CKMT1B: variants seen among roughly 807,000 people sequenced by gnomAD.
CKMT1B encodes creatine kinase U-type, mitochondrial.
In CKMT1B, 13 loss-of-function variants were observed where a neutral mutation model predicts 21.8. The ratio of observed to expected loss-of-function variants is 0.60; its 90% CI spans 0.39 to 0.95. The LOEUF (loss-of-function observed/expected upper bound fraction) is 0.95. Ranked by LOEUF, CKMT1B falls within the 40% of genes least tolerant of loss-of-function variation. CKMT1B has a pLI of 0.00. For synonymous variants in CKMT1B, 50 were observed against 80.3 expected (o/e 0.62, Z 2.02); for missense variants, 157 against 227.5 (o/e 0.69, Z 1.99).
chr15:43,598,039 C>T (rs1038454943), intron 6 of CKMT1B, 154 bp from the exon 7 acceptor site: 4 of 1,451,354 alleles, frequency 2.8e-6, no homozygotes, highest in Middle Eastern at 1.9e-4. Context: ...CAATAACAAA[C>T]CTTTTTCATT....
At position 43,598,833 on chromosome 15, in the gene CKMT1B, C is replaced by T. The variant is rs143381903; in HGVS notation, c.1018C>T (p.Arg340Cys). 47 of 1,606,802 alleles carry T rather than the reference C, an allele frequency of 2.9e-5. 1 individual carries two copies. The African/African-American group carries it at 3.0e-4, about 10-fold the overall frequency. Residue 340 changes from arginine (R) to cysteine (C), a missense_variant, in exon 8 of 9, where the codon CGC (arginine) becomes TGC (cysteine). By Grantham distance (180) the Arg-to-Cys change is radical. Transcript: ENST00000441322. ...ATCCCTATCTCCTCTCTAGGATAGC[C>T]GCTTCCCAAAGATCCTGGAGAACCT... ...IKLPLLSKDS[R>C]FPKILENLRL...
chr15:43,596,590 G>A, intron 6 of CKMT1B, 59 bp downstream of exon 6: 2 of 1,605,394 alleles, frequency 1.2e-6, no homozygotes, highest in Non-Finnish European at 8.5e-7. Flanking sequence ...CCAAAGAGTA[G>A]CATAAATAGA....
Position 43,598,194 on chromosome 15 carries a change from TG to T in CKMT1B, c.880del (p.Glu294ArgfsTer21). ...FERFCRGLKE[V>X]ERLIQERGWE... Reference sequence around the variant, plus strand: ...TTAACAAAACCTTTGTGGACTCAGGTGGAGAGACTTATCCAAGAACGTGGCT... The same window carrying T: ...TTAACAAAACCTTTGTGGACTCAGGTGAGAGACTTATCCAAGAACGTGGCT... On this transcript the variant is annotated frameshift_variant and splice_region_variant, in exon 7 of 9. Coordinates refer to ENST00000441322, the MANE Select transcript of CKMT1B (RefSeq NM_001375484.1). LOFTEE classifies it high-confidence loss of function. 1 of 1,608,708 alleles carries T rather than the reference TG, an allele frequency of 6.2e-7. No individual in the cohort carries two copies.
At chr15:43,598,096 G>T in intron 6 of CKMT1B, 97 bp from the exon 7 acceptor site, 1 of 1,549,734 alleles carries the variant, frequency 6.5e-7, no homozygotes, top group Non-Finnish European at 8.7e-7. Context: ...TTCTGTTCTA[G>T]ACATATTTCT....
chr15:43,598,903 C>T lies in CKMT1B; in HGVS notation c.1088C>T (p.Thr363Ile), dbSNP rs765944208. ...ACTGGAGGAGTGGACACTGCTGCTA[C>T]AGGCGGTGTCTTTGATATTTCTAAT... ...RGTGGVDTAA[T>I]GGVFDISNLD... is the part of the protein sequence containing the mutation. Residue 363 changes from threonine to isoleucine, a missense_variant, in exon 8 of 9, where the codon ACA (threonine) becomes ATA (isoleucine). By Grantham distance (89) the Thr-to-Ile change is moderately conservative. Transcript: ENST00000441322. 1.2e-5 allele frequency: 19 copies of T among 1,609,652 alleles called. No individual in the cohort carries two copies. The highest frequency in any genetic ancestry group is 1.6e-4 in the Middle Eastern group (1 of 6,078).
chr15:43,597,041 A>G (rs1194177500), intron 6 of CKMT1B, among the ~76,000 whole-genome samples: 1 of 148,466 alleles, frequency 6.7e-6, no homozygotes, highest in African/African-American at 2.6e-5. Context: ...GGGAAGGTGG[A>G]GGATAGAATG....
intron 6 of CKMT1B, chr15:43,597,571 C>T (rs2085591340): frequency 9.7e-7 from 1 of 1,032,626 alleles, no homozygotes; most frequent in African/African-American, 1.9e-5. Context: ...GGGTTGTGGT[C>T]TTTGTGACCA....
intron 6 of CKMT1B, chr15:43,597,290 A>G: frequency 1.9e-6 from 1 of 516,508 alleles, no homozygotes; most frequent in South Asian, 2.2e-5. Flanking sequence ...TATTCTGACT[A>G]TGAGTGGGTA....
chr15:43,597,665 C>T, intron 6 of CKMT1B: 1 of 939,802 alleles, frequency 1.1e-6, no homozygotes, highest in Non-Finnish European at 1.3e-6. Flanking sequence ...CGCCTTCCCC[C>T]CGCCCCCTAT....
rs2085611169 is a variant in CKMT1B at position 43,598,293 on chromosome 15, C to T, written c.977C>T (p.Ala326Val). The T allele has an allele frequency of 6.2e-7, 1 of 1,606,766 alleles. No homozygotes were observed. Among genetic ancestry groups the T allele is most frequent in the Non-Finnish European group, 8.5e-7 (1 of 1,178,756 alleles). ...CPSNLGTGLR[A>V]GVHIKLPLLS... ...TCTAACCTGGGCACTGGACTTCGGG[C>T]AGGAGTGCACATCAAACTGCCCCTG... is the stretch of plus-strand genomic sequence containing the variant. The change falls in exon 7 of 9, where the codon GCA becomes GTA. Residue 326 changes from alanine (A) to valine (V), a missense_variant. Coordinates refer to ENST00000441322, the MANE Select transcript of CKMT1B (RefSeq NM_001375484.1).
chr15:43,597,736 C>T (rs894693882), intron 6 of CKMT1B: 201 of 1,011,860 alleles, frequency 2.0e-4, no homozygotes, highest in Non-Finnish European at 2.3e-4. Flanking sequence ...ACAGGTGCTC[C>T]GTTCACAGCT....
Position 43,599,192 on chromosome 15 carries a change from C to A in CKMT1B, c.1173C>A (p.Asn391Lys), listed in dbSNP as rs372955728. 52 of 1,613,560 alleles carry A rather than the reference C, an allele frequency of 3.2e-5. No homozygotes were observed. The highest frequency in any genetic ancestry group is 4.2e-5 in the Non-Finnish European group (50 of 1,179,868). ...ELVQLVIDGV[N>K]YLIDCERRLE... ...TGCAACTGGTCATCGATGGAGTAAA[C>A]TATTTGATTGATTGTGAACGGCGTC... The change falls in exon 9 of 9, where the codon AAC becomes AAA. Residue 391 changes from asparagine to lysine, a missense_variant. Physicochemically the swap from Asn to Lys is moderately conservative, Grantham distance 94 (BLOSUM62 0). Coordinates refer to ENST00000441322, the MANE Select transcript of CKMT1B (RefSeq NM_001375484.1).
At chr15:43,597,178 A>G (rs1191256355) in intron 6 of CKMT1B, among the ~76,000 whole-genome samples, 1 of 138,886 alleles carries the variant, frequency 7.2e-6, no homozygotes, top group Admixed American at 7.0e-5. Flanking sequence ...TTCTTACTGT[A>G]TGTTCTCAAA....
rs372955728 is a variant in CKMT1B at position 43,599,192 on chromosome 15, C to G, written c.1173C>G (p.Asn391Lys). Residue 391 changes from asparagine (N) to lysine (K), a missense_variant, in exon 9 of 9, where the codon AAC becomes AAG. Transcript: ENST00000441322. Reference protein sequence around the residue: ...ELVQLVIDGVNYLIDCERRLE... With the variant: ...ELVQLVIDGVKYLIDCERRLE... ...TGCAACTGGTCATCGATGGAGTAAA[C>G]TATTTGATTGATTGTGAACGGCGTC... 98 of 1,613,560 alleles carry G rather than the reference C, an allele frequency of 6.1e-5. 2 individuals carry two copies. Among genetic ancestry groups the G allele is most frequent in the Non-Finnish European group, 7.4e-5 (87 of 1,179,868 alleles).
chr15:43,599,073 C>T (rs2085636041), intron 8 of CKMT1B, 84 bp from the exon 9 acceptor site: 1 of 1,581,800 alleles, frequency 6.3e-7, no homozygotes, highest in Non-Finnish European at 8.6e-7. Flanking sequence ...AGTGGGGAGG[C>T]AATTGGAAAT....
Position 43,596,498 on chromosome 15 carries a change from A to G in CKMT1B, c.843A>G (p.Arg281=). ...TGGAGAAGGGTGGTAACATGAAGAG[A>G]GTGTTTGAAAGATTCTGCCGAGGCC... The part of the protein sequence containing the change: ...ISMEKGGNMK[R]VFERFCRGLK... Residue 281 remains arginine, a synonymous_variant, in exon 6 of 9, where the codon AGA becomes AGG. Transcript: ENST00000441322. 1 of 1,606,230 alleles carries G rather than the reference A, an allele frequency of 6.2e-7. No individual in the cohort carries two copies. Among genetic ancestry groups the G allele is most frequent in the Non-Finnish European group, 8.5e-7 (1 of 1,179,094 alleles).
chr15:43,597,114 G>A (rs1270069330), intron 6 of CKMT1B, among the ~76,000 whole-genome samples: 1 of 144,456 alleles, frequency 6.9e-6, no homozygotes, highest in Non-Finnish European at 1.5e-5. Context: ...ATCCTACATG[G>A]ATTGGGTCTC....
Position 43,598,997 on chromosome 15 carries a change from A to G in CKMT1B, c.1137+45A>G, listed in dbSNP as rs2085633364. ...GGACAAGGAGAGGTATAGGTCTGCG[A>G]GGGCCGAAATATGGCAGTGAGTGAG... On this transcript the variant is annotated intron_variant, in intron 8 of 8. Transcript: ENST00000441322. The G allele has an allele frequency of 2.5e-6, 4 of 1,607,680 alleles. No individual in the cohort carries two copies. The African/African-American group carries it at 4.0e-5, about 16-fold the overall frequency.
intron 6 of CKMT1B, 104 bp downstream of exon 6, chr15:43,596,635 T>A: frequency 1.9e-6 from 3 of 1,565,474 alleles, no homozygotes; most frequent in Non-Finnish European, 2.6e-6. Context: ...GGACATGTCT[T>A]ATAGTAAAAA....
Sources: gnomAD v4.1 joint callset for allele counts (sites outside exome capture counted in the v4.1 genomes callset) on GRCh38, gnomAD v4.1.1 for gene constraint, MANE v1.5 for transcripts, NCBI Gene and HGNC (gene_info 2026-07-23, HGNC 2026-07-21) for gene names.